The following CASS4 variants were observed in gnomAD, a reference collection of about 807,000 sequenced individuals.
The protein encoded by CASS4 is Cas scaffold protein family member 4, also known as cas scaffolding protein family member 4.
Under a neutral mutation model 54.2 loss-of-function variants are expected in CASS4, and 22 were observed. The ratio of observed to expected loss-of-function variants is 0.41; its 90% CI spans 0.29 to 0.58. The LOEUF is 0.58. Ranked by LOEUF, CASS4 falls within the 20% of genes least tolerant of loss-of-function variation. CASS4 has a pLI of 0.36. For synonymous variants in CASS4, 409 were observed against 391.5 expected, an observed-to-expected ratio of 1.04 and a Z score of -0.53; for missense variants, 854 against 986.7, an observed-to-expected ratio of 0.87 and a Z score of 1.80.
intron 1 of CASS4, among the ~76,000 whole-genome samples, chr20:56,415,892 A>T (rs1600741008): frequency 1.3e-5 from 2 of 152,198 alleles, no homozygotes; most frequent in African/African-American, 4.8e-5. Flanking sequence ...TCTATTTTTT[A>T]AAAATTGTTT....
chr20:56,432,726 TA>T (rs1164741700), intron 1 of CASS4, among the ~76,000 whole-genome samples: 1 of 152,202 alleles, frequency 6.6e-6, no homozygotes, highest in African/African-American at 2.4e-5. Flanking sequence ...GTCCCTTAAA[TA>T]CTTCATCACT....
intron 3 of CASS4, among the ~76,000 whole-genome samples, chr20:56,449,219 C>A (rs987441748): frequency 5.3e-5 from 8 of 152,138 alleles, no homozygotes; most frequent in Non-Finnish European, 1.2e-4. Context: ...CAAATGTCCA[C>A]CAGTGATAGA....
intron 2 of CASS4, among the ~76,000 whole-genome samples, chr20:56,444,391 C>A (rs561464034): frequency 6.6e-6 from 1 of 152,236 alleles, no homozygotes. Context: ...TACACTCCCC[C>A]TGTCCTGGAC....
chr20:56,443,855 C>T (rs575203083), intron 2 of CASS4, among the ~76,000 whole-genome samples: 10 of 152,312 alleles, frequency 6.6e-5, no homozygotes, highest in African/African-American at 2.4e-4. Flanking sequence ...AAGGCTGCTT[C>T]TCTGTCAATG....
At chr20:56,420,007 C>T (rs556715249) in intron 1 of CASS4, among the ~76,000 whole-genome samples, 1 of 152,242 alleles carries the variant, frequency 6.6e-6, no homozygotes, top group Non-Finnish European at 1.5e-5. Context: ...CACGCCATTG[C>T]ACTCCAGCCT....
chr20:56,443,208 G>A (rs1004679795), intron 2 of CASS4, among the ~76,000 whole-genome samples: 8 of 151,482 alleles, frequency 5.3e-5, no homozygotes, highest in Admixed American at 3.9e-4. Flanking sequence ...CTGGCCTGGC[G>A]CGGTGGCTCA....
chr20:56,444,387 C>T (rs1350185984), intron 2 of CASS4, among the ~76,000 whole-genome samples: 1 of 152,166 alleles, frequency 6.6e-6, no homozygotes, highest in Admixed American at 6.5e-5. Flanking sequence ...GAAGTACACT[C>T]CCCCTGTCCT....
intron 5 of CASS4, among the ~76,000 whole-genome samples, chr20:56,454,733 C>A (rs185264137): frequency 5.4e-4 from 82 of 152,304 alleles, no homozygotes; most frequent in African/African-American, 1.9e-3. Context: ...GACTTAGGAA[C>A]CATGGTAAGC....
chr20:56,432,383 T>A (rs971635205), intron 1 of CASS4, among the ~76,000 whole-genome samples: 180 of 135,878 alleles, frequency 1.3e-3, no homozygotes, highest in Admixed American at 3.4e-3. Flanking sequence ...TTTTTTTTTT[T>A]GAGAGACAGG....
rs980239206 is a variant in CASS4, at chr20:56,458,674, C to T, written c.2288C>T (p.Ala763Val). 1.2e-6 allele frequency: 2 copies of T among 1,612,862 alleles called. No individual in the cohort carries two copies. Among genetic ancestry groups the T allele is most frequent in the Non-Finnish European group, 1.7e-6 (2 of 1,179,652 alleles). ...NAVLTYPSPAALGHLQAEAEK... is the reference protein window; with the variant it reads ...NAVLTYPSPAVLGHLQAEAEK... The stretch of plus-strand genomic sequence containing the variant: ...GTGCTCACGTACCCCAGCCCTGCCG[C>T]GCTGGGGCACCTCCAGGCGGAGGCT... The change falls in exon 6 of 6, where the codon GCG (alanine) becomes GTG (valine). Residue 763 changes from alanine to valine, a missense_variant. By Grantham distance (64) the Ala-to-Val change is moderately conservative. Coordinates refer to ENST00000679887, the MANE Select transcript of CASS4 (RefSeq NM_020356.4).
upstream of CASS4, chr20:56,412,242 C>A: frequency 1.8e-6 from 1 of 566,364 alleles, no homozygotes; most frequent in South Asian, 2.2e-5. This position sits in a 1 kb window ranked among gnomAD's most constrained non-coding sequence, Gnocchi z 4.2. Flanking sequence ...TTCTGGTCCT[C>A]CCCTGCTTCA....
rs760566656 is a variant in CASS4, at chr20:56,458,676, C to G, written c.2290C>G (p.Leu764Val). Reference protein sequence around the residue: ...AVLTYPSPAALGHLQAEAEKL... With the variant: ...AVLTYPSPAAVGHLQAEAEKL... Reference sequence around the variant, plus strand: ...GCTCACGTACCCCAGCCCTGCCGCGCTGGGGCACCTCCAGGCGGAGGCTGA... The same window carrying G: ...GCTCACGTACCCCAGCCCTGCCGCGGTGGGGCACCTCCAGGCGGAGGCTGA... Residue 764 changes from leucine (L) to valine (V), a missense_variant, in exon 6 of 6, where the codon CTG becomes GTG. Leu to Val is a conservative substitution (Grantham distance 32, BLOSUM62 1). Transcript: ENST00000679887. 4.3e-6 allele frequency: 7 copies of G among 1,612,868 alleles called. No homozygotes were observed.
rs6127745 is a variant in CASS4, at chr20:56,412,967, G to A, written c.36+473G>A. ...TTACATGTTATTTTCATGTTAACTT[G>A]TGCATTATGTGAGCAAAGCTGGAGC... On this transcript the variant is annotated intron_variant, in intron 1 of 5. Coordinates refer to ENST00000679887, the MANE Select transcript of CASS4 (RefSeq NM_020356.4). The surrounding 1 kb of genome is among the most constrained non-coding windows in gnomAD (Gnocchi z 4.2). Among the ~76,000 whole-genome samples, 4 of 152,174 alleles carry A rather than the reference G, an allele frequency of 2.6e-5. No individual in the cohort carries two copies. The highest frequency in any genetic ancestry group is 1.9e-4 in the East Asian group (1 of 5,154).
chr20:56,443,960 G>T (rs957884014), intron 2 of CASS4, among the ~76,000 whole-genome samples: 1 of 152,206 alleles, frequency 6.6e-6, no homozygotes, highest in East Asian at 1.9e-4. Flanking sequence ...AGGGAACCAA[G>T]TTTCTCAGGG....
intron 3 of CASS4, among the ~76,000 whole-genome samples, chr20:56,448,253 A>G (rs1440332935): frequency 6.6e-6 from 1 of 151,950 alleles, no homozygotes. Flanking sequence ...AAACTGTGAC[A>G]TTTTGTTCAC....
Position 56,458,437 on chromosome 20 carries a change from T to C in CASS4, c.2051T>C (p.Phe684Ser). ...TGCCGGCTCTACTTTGGGGCGCTCT[T>C]CAAAGCCATCAGCGCATTTCACGGC... ...EHCRLYFGAL[F>S]KAISAFHGSL... The change falls in exon 6 of 6, where the codon TTC (phenylalanine) becomes TCC (serine). Residue 684 changes from phenylalanine to serine, a missense_variant. Transcript: ENST00000679887. 6.2e-7 allele frequency: 1 copy of C among 1,614,100 alleles called. No individual in the cohort carries two copies. Among genetic ancestry groups the C allele is most frequent in the South Asian group, 1.1e-5 (1 of 91,082 alleles).
intron 2 of CASS4, among the ~76,000 whole-genome samples, chr20:56,443,416 C>T (rs1182129405): frequency 1.3e-5 from 2 of 148,532 alleles, no homozygotes; most frequent in South Asian, 2.1e-4. Context: ...TTGCAGTAAG[C>T]CGAAATGGCA....
At chr20:56,456,764 C>T (rs1981316801) in intron 5 of CASS4, among the ~76,000 whole-genome samples, 2 of 151,972 alleles carry the variant, frequency 1.3e-5, no homozygotes, top group Non-Finnish European at 2.9e-5. Context: ...CTGCAGCCTC[C>T]ACCACCCAGG....
At chr20:56,421,002 A>C (rs557305509) in intron 1 of CASS4, among the ~76,000 whole-genome samples, 159 of 152,350 alleles carry the variant, frequency 1.0e-3, no homozygotes, top group South Asian at 1.9e-3. Context: ...TAAACAAAAG[A>C]GTGGCTCCTT....
Sources: gnomAD v4.1 joint callset for allele counts (sites outside exome capture counted in the v4.1 genomes callset) on GRCh38, gnomAD v4.1.1 for gene constraint, Gnocchi (gnomAD v3.1) non-coding constraint, MANE v1.5 for transcripts, NCBI Gene and HGNC (gene_info 2026-07-23, HGNC 2026-07-21) for gene names.